The following DOCK1 variants were observed in gnomAD, a reference collection of about 807,000 sequenced individuals.
The protein encoded by DOCK1 is dedicator of cytokinesis 1, also known as dedicator of cytokinesis protein 1.
In DOCK1, 138 loss-of-function variants were observed where a neutral mutation model predicts 262.7. That is an observed-to-expected ratio of 0.53 (90% CI 0.46 to 0.61). The LOEUF (loss-of-function observed/expected upper bound fraction) is 0.61, where lower values mean the gene tolerates loss of function less well. DOCK1 is among the 20% of genes least tolerant of loss of function. The pLI is 0.00. For missense variants in DOCK1, 1,908 were observed against 2,370.7 expected, an observed-to-expected ratio of 0.80 and a Z score of 4.05; for synonymous variants, 866 against 867.4, an observed-to-expected ratio of 1.00 and a Z score of 0.03.
intron 29 of DOCK1, among the ~76,000 whole-genome samples, chr10:127,336,147 C>T (rs967298270): frequency 3.3e-5 from 5 of 152,094 alleles, no homozygotes; most frequent in Admixed American, 3.3e-4. Flanking sequence ...ATTTTCTTAC[C>T]TAAAAGTTAG....
rs150442493 is a variant in DOCK1, at chr10:127,437,742, G to A, written c.5061-1285G>A. ...GATCCACCTGCCTTAGCCTCCCCAA[G>A]TGCTAGGATTATAGGCATGAGCCAC... On this transcript the variant is annotated intron_variant, in intron 48 of 51. Transcript: ENST00000623213. The surrounding 1 kb of genome is among the most constrained non-coding windows in gnomAD (Gnocchi z 4.4). Among the ~76,000 whole-genome samples the A allele has an allele frequency of 4.6e-5, 7 of 152,172 alleles. No homozygotes were observed. The highest frequency in any genetic ancestry group is 9.6e-5 in the African/African-American group (4 of 41,456).
At chr10:127,131,503 T>G (rs1167519) in intron 27 of DOCK1, among the ~76,000 whole-genome samples, 2 of 152,124 alleles carry the variant, frequency 1.3e-5, no homozygotes, top group African/African-American at 2.4e-5. Context: ...GAAGGGTGTT[T>G]GCCACTGAAA....
rs770644938 is a variant in DOCK1 at position 126,990,588 on chromosome 10, T to C, written c.458T>C (p.Ile153Thr). 2 of 1,613,578 alleles carry C rather than the reference T, an allele frequency of 1.2e-6. No homozygotes were observed. Among genetic ancestry groups the C allele is most frequent in the South Asian group, 1.1e-5 (1 of 90,884 alleles). ...KELKKKVTAK[I>T]DYGNRILDLD... is the part of the protein sequence containing the mutation. ...CTGAAGAAGAAGGTCACAGCCAAAA[T>C]TGATTATGGAAACAGGTTTGTTTAT... Residue 153 changes from isoleucine (I) to threonine (T), a missense_variant, in exon 6 of 52, where the codon ATT becomes ACT. This residue lies in a region of DOCK1 where 227 missense variants were observed against 254.1 expected (regional missense o/e 0.89). Transcript: ENST00000623213.
chr10:127,310,744 C>T (rs1268708913), intron 29 of DOCK1, among the ~76,000 whole-genome samples: 2 of 152,138 alleles, frequency 1.3e-5, no homozygotes, highest in East Asian at 3.9e-4. Context: ...TTTAATGCCC[C>T]AGTTGTCGTG....
rs1379650435 is a variant in DOCK1, at chr10:127,000,101, C to A, written c.850-71C>A. 1.9e-6 allele frequency: 3 copies of A among 1,547,990 alleles called. No homozygotes were observed. The African/African-American group carries it at 4.1e-5, about 21-fold the overall frequency. On this transcript the variant is annotated intron_variant, in intron 9 of 51. Coordinates refer to ENST00000623213, the MANE Select transcript of DOCK1 (RefSeq NM_001290223.2). ...AGAAGAGTCTCAATCCATTTTTTTA[C>A]TGTCCTTTTCATTGGAGCTTGCATT...
At position 127,095,787 on chromosome 10, in the gene DOCK1, T is replaced by C. The variant is rs565208992; in HGVS notation, c.2446-10444T>C. 4.6e-5 allele frequency among the ~76,000 whole-genome samples: 7 copies of C among 152,184 alleles called. No homozygotes were observed. The East Asian group carries it at 1.2e-3, about 25-fold the overall frequency. ...CTCCCTGAGAAACCCAGGAGACCCG[T>C]TCCTCATCATCGATATGCTTCAAGG... On this transcript the variant is annotated intron_variant, in intron 23 of 51. Coordinates refer to ENST00000623213, the MANE Select transcript of DOCK1 (RefSeq NM_001290223.2).
intron 27 of DOCK1, among the ~76,000 whole-genome samples, chr10:127,163,678 A>G (rs530832718): frequency 6.6e-6 from 1 of 152,040 alleles, no homozygotes; most frequent in African/African-American, 2.4e-5. Flanking sequence ...CCCATTTTAA[A>G]TTTCCTCAAA....
chr10:127,249,384 C>T (rs1419750730), intron 28 of DOCK1, among the ~76,000 whole-genome samples: 1 of 99,540 alleles, frequency 1.0e-5, no homozygotes, highest in South Asian at 4.5e-4. Flanking sequence ...CACATATGTA[C>T]ATATATACAC....
Position 127,176,188 on chromosome 10 carries a change from C to T in DOCK1, c.2847+48424C>T, listed in dbSNP as rs889229055. 2.5e-6 allele frequency: 4 copies of T among 1,614,020 alleles called. No homozygotes were observed. In the African/African-American group the frequency reaches 5.3e-5, roughly 22 times the overall value. On this transcript the variant is annotated intron_variant, in intron 27 of 51. Transcript: ENST00000623213. This position sits in a 1 kb window ranked among gnomAD's most constrained non-coding sequence, Gnocchi z 4.4. Reference sequence around the variant, plus strand: ...ACGGGCTTGGCCTCCCGCTTCTCCCCCAGCTGGCCCGAGGACAGCTGTGTG... The same window carrying T: ...ACGGGCTTGGCCTCCCGCTTCTCCCTCAGCTGGCCCGAGGACAGCTGTGTG...
chr10:127,411,512 G>T (rs1457199524), intron 43 of DOCK1, among the ~76,000 whole-genome samples: 2 of 152,168 alleles, frequency 1.3e-5, no homozygotes, highest in African/African-American at 4.8e-5. Flanking sequence ...CCTACTAGGT[G>T]CCAGTGCCAC....
chr10:126,908,833 C>A (rs1281740963), intron 1 of DOCK1, among the ~76,000 whole-genome samples: 2 of 152,068 alleles, frequency 1.3e-5, no homozygotes, highest in East Asian at 3.9e-4. Context: ...TTTTATGTCC[C>A]GACGTCAATA....
intron 1 of DOCK1, among the ~76,000 whole-genome samples, chr10:126,949,552 C>T (rs1015031752): frequency 6.6e-6 from 1 of 152,080 alleles, no homozygotes; most frequent in Non-Finnish European, 1.5e-5. Context: ...AATTTCAGAG[C>T]AGCAAGGGCA....
chr10:126,976,057 A>G (rs971070270), intron 2 of DOCK1, among the ~76,000 whole-genome samples: 7 of 152,226 alleles, frequency 4.6e-5, no homozygotes, highest in Admixed American at 3.9e-4. Flanking sequence ...CTATAATAGG[A>G]TAAAGGACAG....
At chr10:127,058,373 A>G (rs1019799427) in intron 22 of DOCK1, among the ~76,000 whole-genome samples, 2 of 145,388 alleles carry the variant, frequency 1.4e-5, no homozygotes, top group South Asian at 2.4e-4. Flanking sequence ...ACCTATTTCC[A>G]TCCTTTTATT....
chr10:127,238,890 G>A (rs1232229148), intron 27 of DOCK1, among the ~76,000 whole-genome samples: 2 of 152,202 alleles, frequency 1.3e-5, no homozygotes, highest in South Asian at 4.1e-4. Flanking sequence ...TCATGGTTTT[G>A]AATCTTCTTG....
At chr10:127,234,604 C>A (rs1400110518) in intron 27 of DOCK1, among the ~76,000 whole-genome samples, 1 of 152,000 alleles carries the variant, frequency 6.6e-6, no homozygotes, top group Non-Finnish European at 1.5e-5. Flanking sequence ...CAATGGAATT[C>A]CAATTTGAAT....
At chr10:127,048,627 T>C (rs1025273700) in intron 21 of DOCK1, among the ~76,000 whole-genome samples, 5 of 152,224 alleles carry the variant, frequency 3.3e-5, no homozygotes, top group African/African-American at 1.2e-4. Flanking sequence ...GTCACAGCAC[T>C]AGCCTCGTGT....
At chr10:127,060,852 T>C (rs965935244) in intron 22 of DOCK1, among the ~76,000 whole-genome samples, 2 of 152,244 alleles carry the variant, frequency 1.3e-5, no homozygotes, top group African/African-American at 4.8e-5. Flanking sequence ...TCTTGTGATA[T>C]CATTTTAAAG....
intron 23 of DOCK1, among the ~76,000 whole-genome samples, chr10:127,079,836 CAGG>C (rs2046797378): frequency 6.6e-6 from 1 of 152,122 alleles, no homozygotes. Flanking sequence ...GAGGCTGAGG[CAGG>C]AGAATTGCTT....
Sources: gnomAD v4.1 joint callset for allele counts (sites outside exome capture counted in the v4.1 genomes callset) on GRCh38, gnomAD v4.1.1 for gene constraint, gnomAD v4.1.1 regional missense constraint, Gnocchi (gnomAD v3.1) non-coding constraint, MANE v1.5 for transcripts, NCBI Gene and HGNC (gene_info 2026-07-23, HGNC 2026-07-21) for gene names.